The following CADM2 variants were observed in gnomAD, a reference collection of about 807,000 sequenced individuals.
CADM2 encodes immunoglobulin superfamily member 4D.
CADM2 carries 12 observed loss-of-function variants against 49.8 expected under a neutral mutation model. That is an observed-to-expected ratio of 0.24 (90% CI 0.15 to 0.39). The LOEUF is 0.39. CADM2 is among the 10% of genes least tolerant of loss of function. The pLI is 1.00. For missense variants in CADM2, 378 were observed against 492.3 expected (o/e 0.77, Z 2.20); for synonymous variants, 214 against 175.4 (o/e 1.22, Z -1.74).
At chr3:85,108,198 G>A (rs993581465) in intron 1 of CADM2, among the ~76,000 whole-genome samples, 11 of 149,836 alleles carry the variant, frequency 7.3e-5, no homozygotes, top group Non-Finnish European at 3.0e-5. Context: ...AGATAAAAAT[G>A]TCTCTGGGCA....
chr3:85,684,274 CT>C (rs2066132450), intron 1 of CADM2, among the ~76,000 whole-genome samples: 1 of 152,046 alleles, frequency 6.6e-6, no homozygotes, highest in South Asian at 2.1e-4. Flanking sequence ...CATACTTAAC[CT>C]GGTGATGCAG....
rs546847911 is a variant in CADM2, at chr3:85,738,110, C to A, written c.88+11562C>A. Among the ~76,000 whole-genome samples the A allele has an allele frequency of 2.0e-5, 3 of 152,234 alleles. No individual in the cohort carries two copies. The South Asian group carries it at 6.2e-4, about 32-fold the overall frequency. On this transcript the variant is annotated intron_variant, in intron 2 of 9. Transcript: ENST00000383699. ...CAGCCAGAAGTTATCTTGGGAAAGA[C>A]AATCAAATCTCTTGGCTGCTTACCC...
chr3:85,696,687 T>G (rs922512560), intron 1 of CADM2, among the ~76,000 whole-genome samples: 4 of 152,044 alleles, frequency 2.6e-5, no homozygotes, highest in African/African-American at 7.2e-5. Flanking sequence ...CATTTTTTCT[T>G]TATTTTTATT....
intron 1 of CADM2, among the ~76,000 whole-genome samples, chr3:85,464,664 C>T (rs1236697440): frequency 2.6e-5 from 4 of 152,084 alleles, no homozygotes; most frequent in Non-Finnish European, 5.9e-5. Context: ...AGATACAATT[C>T]GTTTCATCAT....
chr3:85,964,009 C>T (rs745992735), intron 8 of CADM2, among the ~76,000 whole-genome samples: 1 of 151,788 alleles, frequency 6.6e-6, no homozygotes, highest in South Asian at 2.1e-4. Context: ...TTAAAAGGGG[C>T]GCCAATTGGG....
intron 1 of CADM2, among the ~76,000 whole-genome samples, chr3:85,415,909 G>A (rs768589129): frequency 1.3e-5 from 2 of 151,904 alleles, no homozygotes; most frequent in Non-Finnish European, 2.9e-5. Context: ...ATTTGTGGGG[G>A]GAGCAGTGTA....
chr3:85,262,395 A>G (rs898541838), intron 1 of CADM2, among the ~76,000 whole-genome samples: 1 of 152,098 alleles, frequency 6.6e-6, no homozygotes, highest in Non-Finnish European at 1.5e-5. Flanking sequence ...GCTTAAGAGG[A>G]CAAAAGCAAG....
At chr3:85,910,400 A>C (rs1717424058) in intron 5 of CADM2, among the ~76,000 whole-genome samples, 1 of 152,166 alleles carries the variant, frequency 6.6e-6, no homozygotes, top group African/African-American at 2.4e-5. Context: ...TGAAAAGTGA[A>C]AGAACCTTAT....
At chr3:85,545,163 A>T (rs1400250232) in intron 1 of CADM2, among the ~76,000 whole-genome samples, 1 of 152,212 alleles carries the variant, frequency 6.6e-6, no homozygotes, top group Non-Finnish European at 1.5e-5. Context: ...TTGAAGTTGC[A>T]GTTAATCATG....
At chr3:85,823,513 A>G (rs2073722203) in intron 3 of CADM2, among the ~76,000 whole-genome samples, 1 of 152,156 alleles carries the variant, frequency 6.6e-6, no homozygotes, top group Admixed American at 6.6e-5. Flanking sequence ...GTGTGTATTT[A>G]TCTCTTTGCT....
At chr3:85,267,295 A>G (rs2043143131) in intron 1 of CADM2, among the ~76,000 whole-genome samples, 1 of 151,768 alleles carries the variant, frequency 6.6e-6, no homozygotes, top group Non-Finnish European at 1.5e-5. Flanking sequence ...TACAGTTGGC[A>G]TTTAAGGATC....
At chr3:85,124,487 C>A (rs2038964328) in intron 1 of CADM2, among the ~76,000 whole-genome samples, 1 of 151,776 alleles carries the variant, frequency 6.6e-6, no homozygotes, top group South Asian at 2.1e-4. Flanking sequence ...TGCCTGTAGT[C>A]CCAGCTACTT....
intron 3 of CADM2, among the ~76,000 whole-genome samples, chr3:85,878,314 A>C (rs972645542): frequency 6.6e-6 from 1 of 152,086 alleles, no homozygotes; most frequent in African/African-American, 2.4e-5. Context: ...AGACATATTT[A>C]AGTAACTTGC....
At chr3:85,011,008 C>T (rs558704193) in intron 1 of CADM2, among the ~76,000 whole-genome samples, 1 of 151,340 alleles carries the variant, frequency 6.6e-6, no homozygotes, top group Admixed American at 6.6e-5. Context: ...GGACTACAGG[C>T]GCCTGCCACC....
chr3:85,402,405 G>A (rs1252871038), intron 1 of CADM2, among the ~76,000 whole-genome samples: 1 of 151,940 alleles, frequency 6.6e-6, no homozygotes, highest in East Asian at 1.9e-4. Context: ...AACTCAGTAA[G>A]TTTGCTCACA....
At chr3:85,367,354 C>A (rs1476119548) in intron 1 of CADM2, among the ~76,000 whole-genome samples, 1 of 151,910 alleles carries the variant, frequency 6.6e-6, no homozygotes, top group East Asian at 1.9e-4. Flanking sequence ...AATCCAGCCT[C>A]CTGGGCTACA....
chr3:85,228,798 G>A (rs1002735736), intron 1 of CADM2, among the ~76,000 whole-genome samples: 10 of 152,208 alleles, frequency 6.6e-5, no homozygotes, highest in Admixed American at 3.3e-4. Flanking sequence ...CTACACAGGG[G>A]TCAGGGACCC....
At chr3:85,397,853 A>C (rs1377054898) in intron 1 of CADM2, among the ~76,000 whole-genome samples, 1 of 152,184 alleles carries the variant, frequency 6.6e-6, no homozygotes, top group African/African-American at 2.4e-5. Flanking sequence ...GACACTTAGA[A>C]ATGGTTAAAA....
chr3:85,543,958 A>G (rs1283518208), intron 1 of CADM2, among the ~76,000 whole-genome samples: 1 of 152,192 alleles, frequency 6.6e-6, no homozygotes, highest in Non-Finnish European at 1.5e-5. Flanking sequence ...ATAAATATCA[A>G]AGCATATGTT....
Sources: allele counts gnomAD v4.1 joint callset (sites outside exome capture counted in the v4.1 genomes callset), GRCh38; gene constraint gnomAD v4.1.1; transcripts MANE v1.5; gene names NCBI Gene and HGNC (gene_info 2026-07-23, HGNC 2026-07-21).